BORA: variants seen among roughly 807,000 people sequenced by gnomAD.
BORA encodes BORA aurora kinase A activator, also known as protein aurora borealis.
A neutral mutation model predicts 55.8 loss-of-function variants in BORA; 26 were observed. The observed-to-expected ratio is 0.47, with a 90% confidence interval of 0.34 to 0.65. BORA has a LOEUF of 0.65. Ranked by LOEUF, BORA falls within the 30% of genes least tolerant of loss-of-function variation. BORA has a pLI of 0.01. For missense variants in BORA, 568 were observed against 671.5 expected (o/e 0.85, Z 1.70); for synonymous variants, 201 against 216.9 (o/e 0.93, Z 0.64).
Position 72,747,023 on chromosome 13 carries a change from G to T in BORA, c.1394G>T (p.Gly465Val), listed in dbSNP as rs775951458. 1.2e-6 allele frequency: 2 copies of T among 1,614,072 alleles called. No homozygotes were observed. Among genetic ancestry groups the T allele is most frequent in the East Asian group, 2.2e-5 (1 of 44,886 alleles). Residue 465 changes from glycine to valine, a missense_variant, in exon 10 of 12, where the codon GGC (glycine) becomes GTC (valine). Gly to Val is a moderately radical substitution (Grantham distance 109). Coordinates refer to ENST00000390667, the MANE Select transcript of BORA (RefSeq NM_024808.5). ...GSLPMTDFVS[G>V]IAFSIENSHM... ...TTACCCATGACTGATTTTGTAAGTG[G>T]CATTGCCTTCAGTATTGAAAACTCT...
At chr13:72,741,207 A>G (rs1056423489) in intron 5 of BORA, among the ~76,000 whole-genome samples, 4 of 152,204 alleles carry the variant, frequency 2.6e-5, no homozygotes, top group Non-Finnish European at 4.4e-5. Flanking sequence ...ATCTGACTAC[A>G]CAGTATTAGA....
intron 3 of BORA, among the ~76,000 whole-genome samples, chr13:72,731,593 T>C (rs2032818529): frequency 6.6e-6 from 1 of 152,186 alleles, no homozygotes; most frequent in African/African-American, 2.4e-5. Flanking sequence ...GTAGATACCT[T>C]TTTCTTTTAC....
At position 72,743,537 on chromosome 13, in the gene BORA, G is replaced by T. The variant is rs761307640; in HGVS notation, c.389G>T (p.Cys130Phe). Reference sequence around the variant, plus strand: ...ATTTTTCACTTAAAATGTCTTACAGGCACTAACATAAATAGTGACTCTCCA... The same window carrying T: ...ATTTTTCACTTAAAATGTCTTACAGTCACTAACATAAATAGTGACTCTCCA... ...KQLSQCHSSK[C>F]TNINSDSPVG... Residue 130 changes from cysteine (C) to phenylalanine (F), a missense_variant and splice_region_variant, in exon 6 of 12, where the codon TGC becomes TTC. By Grantham distance (205) the Cys-to-Phe change is radical. Transcript: ENST00000390667. The T allele has an allele frequency of 1.1e-5, 17 of 1,603,124 alleles. No homozygotes were observed. The highest frequency in any genetic ancestry group is 1.4e-5 in the Non-Finnish European group (16 of 1,172,794).
rs374474642 is a variant in BORA at position 72,745,965 on chromosome 13, A to G, written c.760A>G (p.Ile254Val). The G allele has an allele frequency of 1.9e-6, 3 of 1,612,544 alleles. No individual in the cohort carries two copies. In the African/African-American group the frequency reaches 4.0e-5, roughly 22 times the overall value. ...PSSGQFSSSP[I>V]QASAKKYSLG... ...ACAGGGGCAGTTTTCTTCTAGCCCT[A>G]TTCAGGCTAGTGCAAAAAAATACAG... The change falls in exon 9 of 12, where the codon ATT becomes GTT. Residue 254 changes from isoleucine (I) to valine (V), a missense_variant. Physicochemically the swap from Ile to Val is conservative, Grantham distance 29. Coordinates refer to ENST00000390667, the MANE Select transcript of BORA (RefSeq NM_024808.5).
intron 4 of BORA, among the ~76,000 whole-genome samples, chr13:72,736,843 G>C (rs1385968454): frequency 6.8e-6 from 1 of 146,916 alleles, no homozygotes; most frequent in East Asian, 2.0e-4. Context: ...TTCTTAATTT[G>C]TTCTACTCCT....
rs1321999102 is a variant in BORA at position 72,727,938 on chromosome 13, G to A, written c.-85G>A. 1 of 1,550,540 alleles carries A rather than the reference G, an allele frequency of 6.4e-7. No homozygotes were observed. Among genetic ancestry groups the A allele is most frequent in the Non-Finnish European group, 8.7e-7 (1 of 1,147,008 alleles). On this transcript the variant is annotated 5_prime_UTR_variant, in exon 1 of 12. Transcript: ENST00000390667. ...GCGGGGAGTTAAAGAGTCTATGCCT[G>A]TCGTGGAAGCTGGCCTGGCCCCCGG...
chr13:72,742,075 GC>G (rs759906576), intron 5 of BORA, among the ~76,000 whole-genome samples: 24 of 152,096 alleles, frequency 1.6e-4, no homozygotes, highest in Non-Finnish European at 2.9e-4. Context: ...CACTCTGCAT[GC>G]AGTGACAAAG....
At chr13:72,744,671 G>C in intron 7 of BORA, 110 bp downstream of exon 7, 1 of 814,024 alleles carries the variant, frequency 1.2e-6, no homozygotes. Context: ...TCTTTCTAAA[G>C]AAGTGGGGAA....
At chr13:72,732,288 C>T (rs2032835090) in intron 3 of BORA, among the ~76,000 whole-genome samples, 1 of 152,074 alleles carries the variant, frequency 6.6e-6, no homozygotes, top group South Asian at 2.1e-4. Context: ...ACATGATGAC[C>T]ATTCAATCAT....
intron 3 of BORA, among the ~76,000 whole-genome samples, chr13:72,732,948 T>C (rs1326589179): frequency 6.6e-6 from 1 of 152,182 alleles, no homozygotes; most frequent in African/African-American, 2.4e-5. Flanking sequence ...AAAATATAAT[T>C]AGACCAAAGT....
Position 72,755,143 on chromosome 13 carries a change from T to A in BORA, c.1615-8T>A. 6.2e-7 allele frequency: 1 copy of A among 1,613,340 alleles called. No individual in the cohort carries two copies. Among genetic ancestry groups the A allele is most frequent in the Non-Finnish European group, 8.5e-7 (1 of 1,179,542 alleles). On this transcript the variant is annotated splice_region_variant and splice_polypyrimidine_tract_variant and intron_variant, in intron 11 of 11. Transcript: ENST00000390667. ...ACTGAAAACAAGGTATTGTCTTCTT[T>A]TTCACAGCAAGACCACACAACACAG...
chr13:72,754,047 G>A (rs922574472), intron 11 of BORA: 3 of 415,516 alleles, frequency 7.2e-6, no homozygotes, highest in African/African-American at 6.1e-5. Flanking sequence ...TTTGATGAGG[G>A]CATTTACTGA....
intron 5 of BORA, among the ~76,000 whole-genome samples, chr13:72,742,769 C>T (rs6562727): frequency 0.014 from 15 of 1,058 alleles, no homozygotes; most frequent in East Asian, 0.1. Flanking sequence ...TATATATATA[C>T]ACACACACAC....
At chr13:72,750,291 AC>A (rs2033239741) in intron 10 of BORA, among the ~76,000 whole-genome samples, 1 of 152,206 alleles carries the variant, frequency 6.6e-6, no homozygotes, top group African/African-American at 2.4e-5. Flanking sequence ...GGGCTAATGG[AC>A]TAATAAGAAA....
chr13:72,743,634 G>C, intron 6 of BORA, 32 bp downstream of exon 6: 2 of 1,535,314 alleles, frequency 1.3e-6, no homozygotes, highest in Non-Finnish European at 1.8e-6. Flanking sequence ...AAAGAAGGAT[G>C]TTCCATATTA....
At chr13:72,731,472 A>C in intron 3 of BORA, 85 bp downstream of exon 3, 1 of 1,034,104 alleles carries the variant, frequency 9.7e-7, no homozygotes, top group Non-Finnish European at 1.4e-6. Context: ...GTATTTTTCT[A>C]TGTAAAGGTA....
chr13:72,740,563 A>G (rs1369596641), intron 5 of BORA, among the ~76,000 whole-genome samples: 1 of 152,130 alleles, frequency 6.6e-6, no homozygotes, highest in African/African-American at 2.4e-5. Context: ...CATCACAGAA[A>G]ATGTTCTATT....
chr13:72,729,269 T>C (rs1471357514), intron 2 of BORA, among the ~76,000 whole-genome samples, 176 bp downstream of exon 2: 2 of 132,882 alleles, frequency 1.5e-5, no homozygotes, highest in Non-Finnish European at 3.2e-5. Context: ...GTTAGGTTAA[T>C]AAGTTAGCTA....
At chr13:72,749,539 T>C (rs73524220) in intron 10 of BORA, among the ~76,000 whole-genome samples, 5,231 of 152,186 alleles carry the variant, frequency 0.034, 150 homozygotes, top group African/African-American at 0.078. Context: ...TTTTTGAATT[T>C]TTGGGCAATT....
Sources: gnomAD v4.1 joint callset for allele counts (sites outside exome capture counted in the v4.1 genomes callset) on GRCh38, gnomAD v4.1.1 for gene constraint, MANE v1.5 for transcripts, NCBI Gene and HGNC (gene_info 2026-07-23, HGNC 2026-07-21) for gene names.